Variants in TCEANC2 observed in about 807,000 individuals in gnomAD.
TCEANC2 encodes transcription elongation factor A N-terminal and central domain containing 2, also known as transcription elongation factor A N-terminal and central domain-containing protein 2.
A neutral mutation model predicts 22.8 loss-of-function variants in TCEANC2; 20 were observed. That is an observed-to-expected ratio of 0.88 (90% confidence interval 0.62 to 1.28). The LOEUF is 1.28. Among genes scored for constraint, TCEANC2 ranks in the 50% most tolerant of loss-of-function variants. The pLI is 0.00. For missense variants in TCEANC2, 251 were observed against 249.7 expected (o/e 1.01, Z -0.03); for synonymous variants, 84 against 95.5 (o/e 0.88, Z 0.70).
rs538981706 is a variant in TCEANC2, at chr1:54,103,603, A to G, written c.*7130A>G. Reference sequence around the variant, plus strand: ...ACAGAGCCAAACCATATCAGATGGTATGGCATGGCTCCCACTCACCAAGAC... The same window carrying G: ...ACAGAGCCAAACCATATCAGATGGTGTGGCATGGCTCCCACTCACCAAGAC... On this transcript the variant is annotated 3_prime_UTR_variant, in exon 5 of 5. Coordinates refer to ENST00000234827, the MANE Select transcript of TCEANC2 (RefSeq NM_153035.3). 11 of 152,334 alleles carry G rather than the reference A, an allele frequency of 7.2e-5. No homozygotes were observed. Among genetic ancestry groups the G allele is most frequent in the African/African-American group, 2.6e-4 (11 of 41,586 alleles). 9.4% of individuals were successfully genotyped at this position (152,334 alleles called of 1,614,324 possible).
rs561462003 is a variant in TCEANC2 at position 54,077,849 on chromosome 1, C to G, written c.244+8952C>G. 2.6e-5 allele frequency among the ~76,000 whole-genome samples: 4 copies of G among 152,280 alleles called. No individual in the cohort carries two copies. In the East Asian group the frequency reaches 7.8e-4, roughly 30 times the overall value. On this transcript the variant is annotated intron_variant, in intron 3 of 4. Coordinates refer to ENST00000234827, the MANE Select transcript of TCEANC2 (RefSeq NM_153035.3). Reference sequence around the variant, plus strand: ...TCTGTGTTTCTTCAGTCCTTGTCCTCTCTCCCCTAACAGGGTGCTTTTCCA... The same window carrying G: ...TCTGTGTTTCTTCAGTCCTTGTCCTGTCTCCCCTAACAGGGTGCTTTTCCA...
intron 2 of TCEANC2, among the ~76,000 whole-genome samples, chr1:54,067,672 C>A (rs1657983112): frequency 6.6e-6 from 1 of 152,162 alleles, no homozygotes; most frequent in African/African-American, 2.4e-5. Flanking sequence ...ACCCTTCTCC[C>A]ACCATAGGCT....
In TCEANC2 at chr1:54,074,387, C is replaced by T. The variant is rs191100811; in HGVS notation, c.244+5490C>T. 2.1e-4 allele frequency among the ~76,000 whole-genome samples: 32 copies of T among 151,940 alleles called. 1 individual carries two copies. The highest frequency in any genetic ancestry group is 6.8e-3 in the Middle Eastern group (2 of 294). The stretch of plus-strand genomic sequence containing the variant: ...CTGAGGCAGGAGAATGGCGTGAACC[C>T]GGGGGGCAGAGCTTGCAGTGAGCCG... On this transcript the variant is annotated intron_variant, in intron 3 of 4. Transcript: ENST00000234827.
intron 3 of TCEANC2, among the ~76,000 whole-genome samples, chr1:54,078,745 AAAGGAAAGATG>A (rs1658188278): frequency 6.6e-6 from 1 of 152,188 alleles, no homozygotes; most frequent in Non-Finnish European, 1.5e-5. Context: ...TCTCTAAGTA[AAAGGAAAGATG>A]AAGGGGCTGA....
At chr1:54,092,753 G>T (rs1367418944) in intron 4 of TCEANC2, among the ~76,000 whole-genome samples, 1 of 152,178 alleles carries the variant, frequency 6.6e-6, no homozygotes, top group Non-Finnish European at 1.5e-5. Flanking sequence ...CATGCCCTGA[G>T]AGAGCTTATG....
chr1:54,081,031 T>C (rs568344256), intron 3 of TCEANC2, among the ~76,000 whole-genome samples: 17 of 152,286 alleles, frequency 1.1e-4, no homozygotes, highest in African/African-American at 3.9e-4. Flanking sequence ...GGTTAAAGCG[T>C]GGGCTCTGGA....
At chr1:54,108,747 C>T (rs796646431), downstream of TCEANC2, among the ~76,000 whole-genome samples, 5 of 151,954 alleles carry the variant, frequency 3.3e-5, no homozygotes, top group African/African-American at 7.2e-5. Context: ...CCGAGGCGGG[C>T]GGATCATGAG....
intron 3 of TCEANC2, among the ~76,000 whole-genome samples, chr1:54,072,145 C>G (rs558708363): frequency 6.6e-6 from 1 of 152,088 alleles, no homozygotes; most frequent in Non-Finnish European, 1.5e-5. Context: ...TACTCTCTTT[C>G]GTTATTTCTG....
intron 4 of TCEANC2, among the ~76,000 whole-genome samples, chr1:54,094,173 G>A (rs1245090437): frequency 2.0e-5 from 3 of 152,190 alleles, no homozygotes; most frequent in Non-Finnish European, 4.4e-5. Flanking sequence ...GACTAAGGCA[G>A]ATATCTGGGC....
At chr1:54,108,966 C>T (rs549538615), downstream of TCEANC2, among the ~76,000 whole-genome samples, 2 of 151,804 alleles carry the variant, frequency 1.3e-5, no homozygotes, top group African/African-American at 4.8e-5. Flanking sequence ...AGCAAGACTC[C>T]GTCCCAAAAA....
intron 4 of TCEANC2, chr1:54,090,083 A>G (rs1658414039): frequency 3.2e-6 from 2 of 626,508 alleles, no homozygotes; most frequent in East Asian, 3.3e-5. Flanking sequence ...CCCCAAAGGA[A>G]TGGAGAGATC....
At chr1:54,062,397 T>C (rs959583372) in intron 2 of TCEANC2, among the ~76,000 whole-genome samples, 1 of 152,246 alleles carries the variant, frequency 6.6e-6, no homozygotes, top group African/African-American at 2.4e-5. Context: ...GGAATTCTTT[T>C]GCTCTTGAAT....
At chr1:54,061,558 A>G (rs1178945250) in intron 2 of TCEANC2, among the ~76,000 whole-genome samples, 1 of 152,190 alleles carries the variant, frequency 6.6e-6, no homozygotes, top group Non-Finnish European at 1.5e-5. Context: ...TGCTTTACAT[A>G]TATTAACTCT....
chr1:54,109,822 A>G (rs749130544), downstream of TCEANC2, among the ~76,000 whole-genome samples: 2 of 152,206 alleles, frequency 1.3e-5, no homozygotes, highest in Non-Finnish European at 2.9e-5. Context: ...CTCCTGCCTG[A>G]TGTAGACAGC....
At chr1:54,065,727 A>G (rs1657942496) in intron 2 of TCEANC2, among the ~76,000 whole-genome samples, 1 of 150,638 alleles carries the variant, frequency 6.6e-6, no homozygotes, top group Non-Finnish European at 1.5e-5. Context: ...ATATATATAT[A>G]TATAAGGGTA....
At chr1:54,088,916 T>G in intron 4 of TCEANC2, 126 bp downstream of exon 4, 1 of 524,494 alleles carries the variant, frequency 1.9e-6, no homozygotes, top group African/African-American at 2.0e-5. Context: ...CCTCATAATT[T>G]CATAATTAAG....
At chr1:54,059,471 T>C (rs1178130330) in intron 2 of TCEANC2, among the ~76,000 whole-genome samples, 1 of 152,184 alleles carries the variant, frequency 6.6e-6, no homozygotes, top group Non-Finnish European at 1.5e-5. Context: ...AGTATTTTAT[T>C]TACTTCTCTG....
intron 2 of TCEANC2, among the ~76,000 whole-genome samples, chr1:54,062,106 G>A (rs1418907310): frequency 2.6e-5 from 4 of 152,212 alleles, no homozygotes; most frequent in Non-Finnish European, 5.9e-5. Context: ...TAGCCAATAT[G>A]TTGCCTCCTG....
At chr1:54,072,603 G>C (rs1658077669) in intron 3 of TCEANC2, among the ~76,000 whole-genome samples, 1 of 152,044 alleles carries the variant, frequency 6.6e-6, no homozygotes, top group Non-Finnish European at 1.5e-5. Context: ...CACCATGTTG[G>C]TCAGGATGGT....
Sources: gnomAD v4.1 joint callset for allele counts (sites outside exome capture counted in the v4.1 genomes callset) on GRCh38, gnomAD v4.1.1 for gene constraint, MANE v1.5 for transcripts, NCBI Gene and HGNC (gene_info 2026-07-23, HGNC 2026-07-21) for gene names.